The following GRIN3A variants were observed in gnomAD, a reference collection of about 807,000 sequenced individuals.
GRIN3A encodes glutamate receptor ionotropic, NMDA 3A.
In GRIN3A, 47 loss-of-function variants were observed where a neutral mutation model predicts 92.4. The observed-to-expected ratio is 0.51, with a 90% confidence interval of 0.40 to 0.65. The LOEUF is 0.65. Among genes scored for constraint, GRIN3A ranks in the 30% least tolerant of loss-of-function variants. The pLI is 0.00. For synonymous variants in GRIN3A, 527 were observed against 540.6 expected, an observed-to-expected ratio of 0.97 and a Z score of 0.35; for missense variants, 1,324 against 1,393.1, an observed-to-expected ratio of 0.95 and a Z score of 0.79.
At chr9:101,734,337 T>C (rs951930037) in intron 1 of GRIN3A, among the ~76,000 whole-genome samples, 8 of 152,200 alleles carry the variant, frequency 5.3e-5, no homozygotes, top group African/African-American at 1.9e-4. Flanking sequence ...TTTAATAAAA[T>C]GGGTTAGCCT....
At chr9:101,657,035 G>T (rs1190738900) in intron 3 of GRIN3A, among the ~76,000 whole-genome samples, 1 of 151,808 alleles carries the variant, frequency 6.6e-6, no homozygotes, top group Non-Finnish European at 1.5e-5. Context: ...AACCCATATA[G>T]AAAACAGGAG....
intron 1 of GRIN3A, among the ~76,000 whole-genome samples, chr9:101,703,854 C>T (rs1829781903): frequency 1.3e-5 from 2 of 152,080 alleles, no homozygotes; most frequent in Non-Finnish European, 2.9e-5. Context: ...TTTTGGCTGC[C>T]TCTGTCTCGA....
At chr9:101,676,252 T>C (rs1588278096) in intron 2 of GRIN3A, among the ~76,000 whole-genome samples, 1 of 151,986 alleles carries the variant, frequency 6.6e-6, no homozygotes, top group African/African-American at 2.4e-5. Context: ...CTCATCAATT[T>C]GTCTCTTTGT....
intron 3 of GRIN3A, among the ~76,000 whole-genome samples, chr9:101,666,261 A>G (rs143117467): frequency 2.6e-5 from 4 of 151,488 alleles, no homozygotes; most frequent in African/African-American, 7.2e-5. Flanking sequence ...ACTAGCTTCA[A>G]TCTCTCTCTT....
chr9:101,617,863 G>A (rs890685211), intron 5 of GRIN3A, among the ~76,000 whole-genome samples: 3 of 137,608 alleles, frequency 2.2e-5, no homozygotes, highest in African/African-American at 8.3e-5. Context: ...TGATCTCATT[G>A]TTCAATTCCC....
chr9:101,664,308 T>G (rs1320075979), intron 3 of GRIN3A, among the ~76,000 whole-genome samples: 7 of 151,986 alleles, frequency 4.6e-5, no homozygotes, highest in Non-Finnish European at 5.9e-5. Context: ...TAGTGCTATT[T>G]TACATTGAGG....
chr9:101,628,231 T>C (rs774147842), intron 4 of GRIN3A, 25 bp downstream of exon 4: 7 of 1,613,176 alleles, frequency 4.3e-6, no homozygotes, highest in Admixed American at 1.7e-5. Context: ...GAATTTTTCT[T>C]TGGATCCAAG....
intron 3 of GRIN3A, among the ~76,000 whole-genome samples, chr9:101,639,505 T>C (rs1039903495): frequency 2.8e-4 from 43 of 152,188 alleles, no homozygotes; most frequent in African/African-American, 9.9e-4. Context: ...TCACCAGCTG[T>C]GTACTATACC....
At chr9:101,584,852 G>A (rs990976444) in intron 6 of GRIN3A, among the ~76,000 whole-genome samples, 1 of 152,180 alleles carries the variant, frequency 6.6e-6, no homozygotes, top group African/African-American at 2.4e-5. Flanking sequence ...TCTGACAGCT[G>A]GCTCGAGTAG....
chr9:101,590,689 T>C (rs1828012539), intron 6 of GRIN3A, among the ~76,000 whole-genome samples: 1 of 152,176 alleles, frequency 6.6e-6, no homozygotes, highest in African/African-American at 2.4e-5. Context: ...CAACACTCTT[T>C]TTAAAAACAT....
intron 6 of GRIN3A, among the ~76,000 whole-genome samples, chr9:101,595,840 TG>T (rs1828120093): frequency 6.6e-6 from 1 of 152,270 alleles, no homozygotes; most frequent in East Asian, 1.9e-4. Flanking sequence ...CAGAATACCT[TG>T]GGGGAAGGTC....
Position 101,670,883 on chromosome 9 carries a change from G to A in GRIN3A, c.1529C>T (p.Pro510Leu), listed in dbSNP as rs201751805. 16 of 1,612,230 alleles carry A rather than the reference G, an allele frequency of 9.9e-6. No individual in the cohort carries two copies. The African/African-American group carries it at 2.0e-4, about 20-fold the overall frequency. Residue 510 changes from proline (P) to leucine (L), a missense_variant, in exon 3 of 9, where the codon CCA becomes CTA. By Grantham distance (98) the Pro-to-Leu change is moderately conservative. Transcript: ENST00000361820. Reference protein sequence around the residue: ...AQRHKTHFQHPSKLHLRVVTL... With the variant: ...AQRHKTHFQHLSKLHLRVVTL... ...AACCACTCTCAAGTGTAGCTTACTT[G>A]GATGTTGGAAGTGGGTTTTGTGTCT...
chr9:101,656,155 A>T (rs1270866023), intron 3 of GRIN3A, among the ~76,000 whole-genome samples: 10 of 152,036 alleles, frequency 6.6e-5, no homozygotes, highest in African/African-American at 2.2e-4. Flanking sequence ...TGCAAAAGGA[A>T]TTTTTTCTGA....
intron 6 of GRIN3A, among the ~76,000 whole-genome samples, chr9:101,589,116 A>G (rs1336971209): frequency 6.6e-6 from 1 of 152,088 alleles, no homozygotes; most frequent in African/African-American, 2.4e-5. Flanking sequence ...GACTAAAGGC[A>G]TGTGCCACCA....
intron 6 of GRIN3A, among the ~76,000 whole-genome samples, chr9:101,596,397 A>G (rs1828133629): frequency 6.6e-6 from 1 of 152,318 alleles, no homozygotes; most frequent in African/African-American, 2.4e-5. Context: ...CAGAGAAATG[A>G]GCATGGTACA....
At position 101,623,353 on chromosome 9, in the gene GRIN3A, T is replaced by G. The variant is rs1269918119; in HGVS notation, c.2579A>C (p.Lys860Thr). The G allele has an allele frequency of 6.2e-7, 1 of 1,613,640 alleles. No homozygotes were observed. The highest frequency in any genetic ancestry group is 8.5e-7 in the Non-Finnish European group (1 of 1,179,546). The change falls in exon 5 of 9, where the codon AAA becomes ACA. Residue 860 changes from lysine (K) to threonine (T), a missense_variant. Transcript: ENST00000361820. ...DYEVSIDADC[K>T]LLTVGKPFAI... is the part of the protein sequence containing the mutation. ...AAATGGCTTCCCCACAGTGAGAAGTTTGCAGTCAGCATCTATTGACACTTC... is the reference window on the plus strand; with the variant it reads ...AAATGGCTTCCCCACAGTGAGAAGTGTGCAGTCAGCATCTATTGACACTTC...
chr9:101,573,019 C>T lies in GRIN3A; in HGVS notation c.*155G>A, dbSNP rs566440012. 1.4e-4 allele frequency: 95 copies of T among 672,194 alleles called. No homozygotes were observed. The South Asian group carries it at 1.5e-3, about 11-fold the overall frequency. 41.6% of individuals were successfully genotyped at this position (672,194 alleles called of 1,614,324 possible). A position where few individuals can be genotyped will look rare whatever the true frequency, so the allele number is the denominator to read the frequency against. On this transcript the variant is annotated 3_prime_UTR_variant, in exon 9 of 9. Coordinates refer to ENST00000361820, the MANE Select transcript of GRIN3A (RefSeq NM_133445.3). ...AGAGTGAGCTTGAGAGGAGCTGCTG[C>T]TGCACTTTAGGCGAGGGAGAGCAGA...
intron 4 of GRIN3A, among the ~76,000 whole-genome samples, chr9:101,626,618 T>A (rs969149244): frequency 1.9e-4 from 29 of 152,326 alleles, no homozygotes; most frequent in African/African-American, 6.7e-4. Flanking sequence ...CCTGGGGAGC[T>A]TGTTAAAATG....
rs147974923 is a variant in GRIN3A at position 101,736,670 on chromosome 9, C to T, written c.699+611G>A. On this transcript the variant is annotated intron_variant, in intron 1 of 8. Coordinates refer to ENST00000361820, the MANE Select transcript of GRIN3A (RefSeq NM_133445.3). Reference sequence around the variant, plus strand: ...TATATTTCTAATGCTTTCCAATATCCGAGACTAATTGACCACTCTTCTCTA... The same window carrying T: ...TATATTTCTAATGCTTTCCAATATCTGAGACTAATTGACCACTCTTCTCTA... Among the ~76,000 whole-genome samples, 4 of 152,212 alleles carry T rather than the reference C, an allele frequency of 2.6e-5. No individual in the cohort carries two copies. In the East Asian group the frequency reaches 7.8e-4, roughly 30 times the overall value.
Sources: allele counts gnomAD v4.1 joint callset (sites outside exome capture counted in the v4.1 genomes callset), GRCh38; gene constraint gnomAD v4.1.1; transcripts MANE v1.5; gene names NCBI Gene and HGNC (gene_info 2026-07-23, HGNC 2026-07-21).